UNC13C: variants seen among roughly 807,000 people sequenced by gnomAD.
UNC13C encodes the protein unc-13 homolog C.
In UNC13C, 174 loss-of-function variants were observed where a neutral mutation model predicts 245.4. That is an observed-to-expected ratio of 0.71 (90% CI 0.63 to 0.80). The LOEUF is 0.80. UNC13C is among the 30% of genes least tolerant of loss of function. The probability of loss-of-function intolerance (pLI) is 0.00; values close to 1 mark genes in which losing one functional copy is unlikely to be tolerated. For missense variants in UNC13C, 2,829 were observed against 2,602.9 expected (o/e 1.09, Z -1.89); for synonymous variants, 992 against 895.1 (o/e 1.11, Z -1.93).
At chr15:53,887,241 G>C in the UNC13C span, among the ~76,000 whole-genome samples, 1 of 152,058 alleles carries the variant, frequency 6.6e-6, no homozygotes, top group African/African-American at 2.4e-5. Flanking sequence ...TCTAAAACTG[G>C]TCTAAAAATA....
At chr15:54,542,567 T>C (rs2141168853) in intron 26 of UNC13C, among the ~76,000 whole-genome samples, 1 of 152,256 alleles carries the variant, frequency 6.6e-6, no homozygotes, top group African/African-American at 2.4e-5. Context: ...TAATTTTCTG[T>C]CTCATTGATC....
At chr15:54,127,711 G>C (rs967079328) in intron 2 of UNC13C, among the ~76,000 whole-genome samples, 1 of 140,074 alleles carries the variant, frequency 7.1e-6, no homozygotes, top group Non-Finnish European at 1.5e-5. Context: ...GTGTGTGTGT[G>C]TATATATATA....
intron 27 of UNC13C, among the ~76,000 whole-genome samples, chr15:54,548,926 T>A (rs115036160): frequency 6.6e-6 from 1 of 152,172 alleles, no homozygotes; most frequent in Non-Finnish European, 1.5e-5. Context: ...CTCAAACTTA[T>A]AGTCTTTAAT....
chr15:54,294,457 A>G (rs1438371949), intron 11 of UNC13C, among the ~76,000 whole-genome samples: 3 of 152,134 alleles, frequency 2.0e-5, no homozygotes, highest in Non-Finnish European at 4.4e-5. Context: ...CAATGAAGGA[A>G]AAATGTATTT....
intron 30 of UNC13C, among the ~76,000 whole-genome samples, chr15:54,584,619 C>G (rs1366817684): frequency 6.6e-6 from 1 of 152,208 alleles, no homozygotes; most frequent in African/African-American, 2.4e-5. Flanking sequence ...GTTTTTCTTT[C>G]CTTTAGGAGT....
rs57240550 is a variant in UNC13C, at chr15:54,626,172, T to TGGC, written c.6360-656_6360-655insGGC. Among the ~76,000 whole-genome samples the TGGC allele has an allele frequency of 2.6e-5, 4 of 151,974 alleles. No individual in the cohort carries two copies. In the East Asian group the frequency reaches 7.7e-4, roughly 29 times the overall value. ...TATCTACCATATCACCACTTGGCCT[T>TGGC]CTTTATTATGTTGACACTAACAAGC... On this transcript the variant is annotated intron_variant, in intron 32 of 32. Coordinates refer to ENST00000260323, the MANE Select transcript of UNC13C (RefSeq NM_001080534.3).
chr15:54,278,563 A>C (rs1259297308), intron 10 of UNC13C, among the ~76,000 whole-genome samples: 1 of 152,158 alleles, frequency 6.6e-6, no homozygotes, highest in East Asian at 1.9e-4. Flanking sequence ...GTTAAGCTGT[A>C]CAATGCCGTT....
intron 2 of UNC13C, among the ~76,000 whole-genome samples, chr15:54,135,464 A>G (rs1595895833): frequency 6.6e-6 from 1 of 152,306 alleles, no homozygotes; most frequent in South Asian, 2.1e-4. Flanking sequence ...AATCCATTCC[A>G]AGTTAATTTT....
chr15:54,564,791 C>A (rs1054423268), intron 29 of UNC13C, among the ~76,000 whole-genome samples: 1 of 151,980 alleles, frequency 6.6e-6, no homozygotes, highest in Admixed American at 6.6e-5. Context: ...TGTTAATAAG[C>A]GTTGGGAATT....
At chr15:53,891,537 G>C in the UNC13C span, among the ~76,000 whole-genome samples, 73 of 152,108 alleles carry the variant, frequency 4.8e-4, no homozygotes, top group African/African-American at 1.8e-3. Context: ...ATGAATGTGG[G>C]TGCTCCTGTA....
chr15:54,182,282 T>C (rs1234306278), intron 4 of UNC13C, among the ~76,000 whole-genome samples: 2 of 152,106 alleles, frequency 1.3e-5, no homozygotes, highest in Non-Finnish European at 2.9e-5. Context: ...TCTGCATCTA[T>C]TGAGACGATC....
the UNC13C span, among the ~76,000 whole-genome samples, chr15:53,872,702 C>G: frequency 6.6e-6 from 1 of 152,070 alleles, no homozygotes; most frequent in Non-Finnish European, 1.5e-5. Flanking sequence ...GTGACCTGGC[C>G]CCAAATCTTC....
At chr15:53,953,695 G>A in the UNC13C span, among the ~76,000 whole-genome samples, 3 of 152,350 alleles carry the variant, frequency 2.0e-5, no homozygotes, top group African/African-American at 7.2e-5. Context: ...ACATATGCCA[G>A]CACATTAGAT....
At position 54,133,079 on chromosome 15, in the gene UNC13C, C is replaced by T. The variant is rs192343577; in HGVS notation, c.2984-9939C>T. On this transcript the variant is annotated intron_variant, in intron 2 of 32. Transcript: ENST00000260323. ...TTAGGTATTATGAATATTTATTTTTCGTGGTAACTGGTGAATAAACATTCC... is the reference window on the plus strand; with the variant it reads ...TTAGGTATTATGAATATTTATTTTTTGTGGTAACTGGTGAATAAACATTCC... Among the ~76,000 whole-genome samples, 682 of 152,014 alleles carry T rather than the reference C, an allele frequency of 4.5e-3. 42 individuals carry two copies. In the East Asian group the frequency reaches 0.089, roughly 20 times the overall value.
chr15:53,931,896 T>C, the UNC13C span, among the ~76,000 whole-genome samples: 2 of 152,164 alleles, frequency 1.3e-5, no homozygotes, highest in South Asian at 2.1e-4. Flanking sequence ...TTTACCAAAA[T>C]GGAAATGATT....
rs375446238 is a variant in UNC13C, at chr15:54,250,193, C to T, written c.3229-32C>T. ...AAACAATTCAAATCCACTGACTTGG[C>T]GGTGCATTGGTAACTTCTCTCATGT... is the stretch of plus-strand genomic sequence containing the variant. On this transcript the variant is annotated intron_variant, in intron 7 of 32. Coordinates refer to ENST00000260323, the MANE Select transcript of UNC13C (RefSeq NM_001080534.3). 459 of 1,576,052 alleles carry T rather than the reference C, an allele frequency of 2.9e-4. 3 individuals are homozygous for T. The highest frequency in any genetic ancestry group is 7.5e-5 in the Non-Finnish European group (86 of 1,145,954).
At chr15:54,034,041 A>G (rs1896472545) in intron 2 of UNC13C, among the ~76,000 whole-genome samples, 1 of 152,172 alleles carries the variant, frequency 6.6e-6, no homozygotes, top group South Asian at 2.1e-4. Flanking sequence ...TCTCTGGCCA[A>G]TCCATTCTGC....
At chr15:54,130,715 T>C (rs932332256) in intron 2 of UNC13C, among the ~76,000 whole-genome samples, 1 of 152,208 alleles carries the variant, frequency 6.6e-6, no homozygotes, top group Non-Finnish European at 1.5e-5. Context: ...GGCAAATCTT[T>C]TCCATTCACG....
intron 2 of UNC13C, among the ~76,000 whole-genome samples, chr15:54,017,089 A>G (rs922278352): frequency 3.3e-5 from 5 of 152,212 alleles, no homozygotes; most frequent in African/African-American, 9.7e-5. Context: ...TTTCTAAGAC[A>G]ACTGAAATAA....
Sources: allele counts gnomAD v4.1 joint callset (sites outside exome capture counted in the v4.1 genomes callset), GRCh38; gene constraint gnomAD v4.1.1; transcripts MANE v1.5; gene names NCBI Gene and HGNC (gene_info 2026-07-23, HGNC 2026-07-21).